ANKRD44: variants seen among roughly 807,000 people sequenced by gnomAD.
ANKRD44 encodes serine/threonine-protein phosphatase 6 regulatory ankyrin repeat subunit B.
ANKRD44 carries 35 observed loss-of-function variants against 116.0 expected under a neutral mutation model. The ratio of observed to expected loss-of-function variants is 0.30; its 90% CI spans 0.23 to 0.40. ANKRD44 has a LOEUF of 0.40. Among genes scored for constraint, ANKRD44 ranks in the 10% least tolerant of loss-of-function variants. The pLI is 1.00. For synonymous variants in ANKRD44, 435 were observed against 461.8 expected (o/e 0.94, Z 0.74); for missense variants, 1,014 against 1,242.6 (o/e 0.82, Z 2.77).
At chr2:197,143,098 A>G (rs1408832698) in intron 3 of ANKRD44, among the ~76,000 whole-genome samples, 1 of 150,126 alleles carries the variant, frequency 6.7e-6, no homozygotes, top group Admixed American at 6.6e-5. Flanking sequence ...TTCTTCTTTC[A>G]ACCCAGAACC....
chr2:197,073,384 C>G (rs75165901), intron 16 of ANKRD44, among the ~76,000 whole-genome samples: 25,315 of 152,202 alleles, frequency 0.17, 2,490 homozygotes, highest in Middle Eastern at 0.23. Context: ...GACTCTTCCA[C>G]GCAGCCTTCC....
chr2:197,052,972 C>G (rs2125018611), intron 16 of ANKRD44, among the ~76,000 whole-genome samples: 1 of 152,136 alleles, frequency 6.6e-6, no homozygotes, highest in South Asian at 2.1e-4. Context: ...GAGTTTGAGA[C>G]CAGCCTGGCC....
intron 2 of ANKRD44, among the ~76,000 whole-genome samples, chr2:197,170,197 A>G (rs1279803845): frequency 7.1e-5 from 1 of 14,136 alleles, no homozygotes; most frequent in Non-Finnish European, 3.1e-4. Flanking sequence ...TTCCAAAAAA[A>G]AAAAAAAAAA....
At position 197,245,257 on chromosome 2, in the gene ANKRD44, C is replaced by A. The variant is rs148484844; in HGVS notation, c.28-58151G>T. Reference sequence around the variant, plus strand: ...CCTGGGCAACAGAGCAAGACTCCATCTCAATAATAATAATAATACAAATAA... The same window carrying A: ...CCTGGGCAACAGAGCAAGACTCCATATCAATAATAATAATAATACAAATAA... On this transcript the variant is annotated intron_variant, in intron 1 of 27. Transcript: ENST00000282272. Among the ~76,000 whole-genome samples the A allele has an allele frequency of 6.3e-3, 956 of 152,160 alleles. 13 individuals carry two copies. The highest frequency in any genetic ancestry group is 0.022 in the African/African-American group (902 of 41,514).
At chr2:197,145,343 G>T (rs963141664) in intron 3 of ANKRD44, among the ~76,000 whole-genome samples, 1 of 151,734 alleles carries the variant, frequency 6.6e-6, no homozygotes, top group African/African-American at 2.4e-5. Flanking sequence ...AAAGAGGCGG[G>T]TATAGCTGAT....
downstream of ANKRD44, among the ~76,000 whole-genome samples, chr2:196,984,605 C>T (rs368832161): frequency 6.6e-6 from 1 of 152,126 alleles, no homozygotes; most frequent in African/African-American, 2.4e-5. Flanking sequence ...CGTGAAGGAA[C>T]CTTTGACAAG....
intron 3 of ANKRD44, among the ~76,000 whole-genome samples, chr2:197,144,998 A>G (rs1249120977): frequency 1.3e-5 from 2 of 152,216 alleles, no homozygotes; most frequent in African/African-American, 4.8e-5. Context: ...TACAACATTT[A>G]AGAGGTGGGT....
At chr2:197,301,230 T>C (rs2083899136) in intron 1 of ANKRD44, 1 of 152,274 alleles carries the variant, frequency 6.6e-6, no homozygotes, top group Non-Finnish European at 1.5e-5. Context: ...GTGCCTGTTC[T>C]TACCTGTCCT....
chr2:197,174,268 G>A (rs1229300007), intron 2 of ANKRD44, among the ~76,000 whole-genome samples: 1 of 152,030 alleles, frequency 6.6e-6, no homozygotes, highest in Non-Finnish European at 1.5e-5. Flanking sequence ...GTTAGCACAG[G>A]TCAGAATCAG....
intron 1 of ANKRD44, among the ~76,000 whole-genome samples, chr2:197,217,999 A>G (rs2125716233): frequency 6.6e-6 from 1 of 152,344 alleles, no homozygotes; most frequent in South Asian, 2.1e-4. Flanking sequence ...GATGGGCAAT[A>G]GTGCTAGTAT....
In ANKRD44 at chr2:197,226,000, T is replaced by TA. The variant is rs141046058; in HGVS notation, c.28-38895dup. Reference sequence around the variant, plus strand: ...TTTCTCCCAAACTTCAATGTCTCACTAAAAACAGGCTTTTATGGCTTTCCC... The same window carrying TA: ...TTTCTCCCAAACTTCAATGTCTCACTAAAAAACAGGCTTTTATGGCTTTCCC... On this transcript the variant is annotated intron_variant, in intron 1 of 27. Coordinates refer to ENST00000282272, the MANE Select transcript of ANKRD44 (RefSeq NM_001195144.2). Among the ~76,000 whole-genome samples the TA allele has an allele frequency of 7.5e-3, 1,139 of 152,244 alleles. 15 individuals are homozygous for TA. Among genetic ancestry groups the TA allele is most frequent in the African/African-American group, 0.026 (1,096 of 41,540 alleles).
intron 1 of ANKRD44, among the ~76,000 whole-genome samples, chr2:197,218,751 C>T (rs1234283673): frequency 1.7e-4 from 9 of 52,344 alleles, no homozygotes; most frequent in Non-Finnish European, 2.5e-4. Flanking sequence ...GGTAAAGTCC[C>T]TTTTTTTTTT....
Position 197,078,983 on chromosome 2 carries a change from G to GTGTGTA in ANKRD44, c.1539-170_1539-169insTACACA, listed in dbSNP as rs1376185522. On this transcript the variant is annotated intron_variant, in intron 15 of 27. Transcript: ENST00000282272. ...TGTGTTGAAAATTGTGTGTGTGTGTGTGTGTGTGTGTGTGTATGTTTTCTG... is the reference window on the plus strand; with the variant it reads ...TGTGTTGAAAATTGTGTGTGTGTGTGTGTGTATGTGTGTGTGTGTGTATGTTTTCTG... 1.3e-4 allele frequency among the ~76,000 whole-genome samples: 19 copies of GTGTGTA among 151,942 alleles called. No individual in the cohort carries two copies. In the East Asian group the frequency reaches 3.1e-3, roughly 25 times the overall value.
chr2:197,070,134 T>G (rs2077527810), intron 16 of ANKRD44, among the ~76,000 whole-genome samples: 1 of 152,180 alleles, frequency 6.6e-6, no homozygotes, highest in Non-Finnish European at 1.5e-5. Context: ...CTTCTAGGAT[T>G]TTTTGGTTGA....
intron 1 of ANKRD44, among the ~76,000 whole-genome samples, chr2:197,288,019 C>CA (rs10666895): frequency 0.074 from 6,050 of 81,498 alleles, 319 homozygotes; most frequent in African/African-American, 0.11. Context: ...GACTCAGTCT[C>CA]AAAAAAAAAA....
rs67833214 is a variant in ANKRD44 at position 197,227,609 on chromosome 2, AC to A, written c.28-40504del. On this transcript the variant is annotated intron_variant, in intron 1 of 27. Coordinates refer to ENST00000282272, the MANE Select transcript of ANKRD44 (RefSeq NM_001195144.2). ...AAAAGTGTTTGTTTTACCAAAAAAA[AC>A]AAAAATCCTTTGGGGGCAAGAAGAA... Among the ~76,000 whole-genome samples, 245 of 150,324 alleles carry A rather than the reference AC, an allele frequency of 1.6e-3. 5 individuals carry two copies. The South Asian group carries it at 0.032, about 20-fold the overall frequency.
At chr2:197,236,981 A>C (rs2081992005) in intron 1 of ANKRD44, among the ~76,000 whole-genome samples, 1 of 152,198 alleles carries the variant, frequency 6.6e-6, no homozygotes, top group South Asian at 2.1e-4. Context: ...GAAGTCAAGA[A>C]AATAGGAGGA....
chr2:197,284,747 G>A (rs186949727), intron 1 of ANKRD44, among the ~76,000 whole-genome samples: 1 of 151,810 alleles, frequency 6.6e-6, no homozygotes, highest in African/African-American at 2.4e-5. Context: ...TTAGCCAGGT[G>A]TGGTGGTGTG....
chr2:197,070,804 TG>T (rs2077543473), intron 16 of ANKRD44, among the ~76,000 whole-genome samples: 1 of 152,198 alleles, frequency 6.6e-6, no homozygotes, highest in African/African-American at 2.4e-5. Context: ...GAAAAGACTG[TG>T]TAGAATTATG....
Sources: allele counts gnomAD v4.1 joint callset (sites outside exome capture counted in the v4.1 genomes callset), GRCh38; gene constraint gnomAD v4.1.1; transcripts MANE v1.5; gene names NCBI Gene and HGNC (gene_info 2026-07-23, HGNC 2026-07-21).